Variants in FBN3 observed in about 807,000 individuals in gnomAD.
FBN3 encodes fibrillin-3.
FBN3 carries 234 observed loss-of-function variants against 330.1 expected under a neutral mutation model. The observed-to-expected ratio is 0.71, with a 90% CI of 0.64 to 0.79. The LOEUF is 0.79. Among genes scored for constraint, FBN3 ranks in the 30% least tolerant of loss-of-function variants. FBN3 has a pLI of 0.00. For synonymous variants in FBN3, 1,458 were observed against 1,517.3 expected, an observed-to-expected ratio of 0.96 and a Z score of 0.91; for missense variants, 3,606 against 3,886.9, an observed-to-expected ratio of 0.93 and a Z score of 1.92.
At position 8,083,300 on chromosome 19, in the gene FBN3, C is replaced by T. The variant is rs777095907; in HGVS notation, c.7160G>A (p.Arg2387His). ...GECINSLGSF[R>H]CHCQAGYTPD... ...TGTGTACCCGGCCTGACAGTGGCAG[C>T]GGAAGGAGCCAAGGCTGTTGATGCA... The change falls in exon 57 of 64, where the codon CGC becomes CAC. Residue 2387 changes from arginine (R) to histidine (H), a missense_variant. Coordinates refer to ENST00000600128, the MANE Select transcript of FBN3 (RefSeq NM_032447.5). 18 of 1,613,938 alleles carry T rather than the reference C, an allele frequency of 1.1e-5. No homozygotes were observed. The South Asian group carries it at 1.5e-4, about 14-fold the overall frequency.
At position 8,136,000 on chromosome 19, in the gene FBN3, C is replaced by T; in HGVS notation, c.1552G>A (p.Ala518Thr). ...CCGTCAGGGCTGAGCTCGAAGCCTG[C>T]ATTGCAGACACACTGGAAGCTGCCC... ...TEGSFQCVCN[A>T]GFELSPDGKN... The change falls in exon 13 of 64, where the codon GCA becomes ACA. Residue 518 changes from alanine to threonine, a missense_variant. Physicochemically the swap from Ala to Thr is moderately conservative, Grantham distance 58. Coordinates refer to ENST00000600128, the MANE Select transcript of FBN3 (RefSeq NM_032447.5). 3 of 1,561,134 alleles carry T rather than the reference C, an allele frequency of 1.9e-6. No homozygotes were observed. The highest frequency in any genetic ancestry group is 2.6e-6 in the Non-Finnish European group (3 of 1,149,888).
rs762120529 is a variant in FBN3, at chr19:8,091,618, G to T, written c.5906-28C>A. 9.9e-6 allele frequency: 16 copies of T among 1,611,508 alleles called. No homozygotes were observed. The East Asian group carries it at 1.6e-4, about 16-fold the overall frequency. ...GGAAGGGCAGGGACATGAGCTGGGTGGGGGGCAAGTAGGACCTCCATCAGT... is the reference window on the plus strand; with the variant it reads ...GGAAGGGCAGGGACATGAGCTGGGTTGGGGGCAAGTAGGACCTCCATCAGT... On this transcript the variant is annotated intron_variant, in intron 47 of 63. Coordinates refer to ENST00000600128, the MANE Select transcript of FBN3 (RefSeq NM_032447.5).
Position 8,136,258 on chromosome 19 carries a change from A to G in FBN3, c.1397T>C (p.Ile466Thr), listed in dbSNP as rs775303474. The G allele has an allele frequency of 1.8e-5, 29 of 1,607,356 alleles. No individual in the cohort carries two copies. The South Asian group carries it at 3.2e-4, about 18-fold the overall frequency. Residue 466 changes from isoleucine to threonine, a missense_variant, in exon 12 of 64, where the codon ATC (isoleucine) becomes ACC (threonine). Ile to Thr is a moderately conservative substitution (Grantham distance 89). Transcript: ENST00000600128. ...SPCHHGDCVN[I>T]PGTYHCRCYP... ...GCACCGGCAGTGGTAGGTGCCGGGGATGTTGACGCAGTCACCGTGGTGGCA... is the reference window on the plus strand; with the variant it reads ...GCACCGGCAGTGGTAGGTGCCGGGGGTGTTGACGCAGTCACCGTGGTGGCA...
Position 8,123,332 on chromosome 19 carries a change from T to A in FBN3, c.3082+132A>T, listed in dbSNP as rs1269908837. ...TCGTGCCATTGCACTCCAGCCTGGA[T>A]AACAAGAGTAAAACTCCGTCTCGAA... On this transcript the variant is annotated intron_variant, in intron 24 of 63. Coordinates refer to ENST00000600128, the MANE Select transcript of FBN3 (RefSeq NM_032447.5). 6 of 1,010,054 alleles carry A rather than the reference T, an allele frequency of 5.9e-6. 1 individual carries two copies. In the South Asian group the frequency reaches 6.7e-5, roughly 11 times the overall value. 62.6% of individuals were successfully genotyped at this position (1,010,054 alleles called of 1,614,324 possible).
At chr19:8,074,201 G>T (rs543565586) in intron 61 of FBN3, among the ~76,000 whole-genome samples, 71 of 152,232 alleles carry the variant, frequency 4.7e-4, no homozygotes, top group Middle Eastern at 6.8e-3. Context: ...GTCAGTACGG[G>T]GGGAGGAAAC....
In FBN3 at chr19:8,106,192, C is replaced by T. The variant is rs1249761807; in HGVS notation, c.4729G>A (p.Gly1577Ser). The T allele has an allele frequency of 3.7e-6, 6 of 1,614,122 alleles. No homozygotes were observed. The highest frequency in any genetic ancestry group is 3.3e-5 in the Admixed American group (2 of 59,998). The change falls in exon 38 of 64, where the codon GGT becomes AGT. Residue 1577 changes from glycine (G) to serine (S), a missense_variant. Coordinates refer to ENST00000600128, the MANE Select transcript of FBN3 (RefSeq NM_032447.5). Reference sequence around the variant, plus strand: ...CTGCCAAACGTGTTGACGCAGTCACCCCCCTGACACAGCCCTGGCAGCTCT... The same window carrying T: ...CTGCCAAACGTGTTGACGCAGTCACTCCCCTGACACAGCCCTGGCAGCTCT... ...CQELPGLCQG[G>S]DCVNTFGSFQ... is the part of the protein sequence containing the mutation.
chr19:8,137,007 C>A (rs1356549359), intron 10 of FBN3, among the ~76,000 whole-genome samples: 2 of 149,492 alleles, frequency 1.3e-5, no homozygotes, highest in Non-Finnish European at 3.0e-5. Flanking sequence ...ATCCCTCCAA[C>A]CTGAAGCCTA....
At chr19:8,119,741 T>G (rs538672074) in intron 25 of FBN3, among the ~76,000 whole-genome samples, 2 of 151,218 alleles carry the variant, frequency 1.3e-5, no homozygotes, top group Admixed American at 1.3e-4. Flanking sequence ...CTCAAAATCC[T>G]GACCTCAAGT....
Position 8,121,023 on chromosome 19 carries a change from T to C in FBN3, c.3211+235A>G, listed in dbSNP as rs575582149. Reference sequence around the variant, plus strand: ...CTCTACCCAAGCTACACACCCTCCCTGGGAGACCACACCCCAGTGTGCCGG... The same window carrying C: ...CTCTACCCAAGCTACACACCCTCCCCGGGAGACCACACCCCAGTGTGCCGG... On this transcript the variant is annotated intron_variant, in intron 25 of 63. Coordinates refer to ENST00000600128, the MANE Select transcript of FBN3 (RefSeq NM_032447.5). The surrounding 1 kb of genome is among the most constrained non-coding windows in gnomAD (Gnocchi z 4.5). 1.3e-5 allele frequency among the ~76,000 whole-genome samples: 2 copies of C among 152,158 alleles called. No individual in the cohort carries two copies. The highest frequency in any genetic ancestry group is 3.9e-4 in the East Asian group (2 of 5,150).
rs2083272161 is a variant in FBN3, at chr19:8,136,058, G to A, written c.1494C>T (p.Gly498=). The A allele has an allele frequency of 6.2e-6, 10 of 1,613,660 alleles. No individual in the cohort carries two copies. The highest frequency in any genetic ancestry group is 8.5e-6 in the Non-Finnish European group (10 of 1,179,908). ...VDVDECIVSG[G]LCHLGRCVNT... is the part of the protein sequence containing the mutation. ...TGACACAGCGGCCCAGGTGACAAAG[G>A]CCACCACTGACAATGCACTCGTCCA... The change falls in exon 13 of 64, where the codon GGC becomes GGT. Residue 498 remains glycine (G), a synonymous_variant. Transcript: ENST00000600128.
intron 59 of FBN3, among the ~76,000 whole-genome samples, chr19:8,080,068 T>A (rs142237108): frequency 6.6e-6 from 1 of 152,384 alleles, no homozygotes; most frequent in East Asian, 1.9e-4. Context: ...GACTCTTCTC[T>A]GCCAATATAG....
intron 18 of FBN3, among the ~76,000 whole-genome samples, chr19:8,127,647 G>A (rs2083025033): frequency 6.6e-6 from 1 of 152,196 alleles, no homozygotes; most frequent in Non-Finnish European, 1.5e-5. Context: ...GGGGCTCACA[G>A]GACTCAGGGA....
At chr19:8,092,155 G>A (rs2082110761) in intron 47 of FBN3, among the ~76,000 whole-genome samples, 1 of 150,674 alleles carries the variant, frequency 6.6e-6, no homozygotes, top group Non-Finnish European at 1.5e-5. Flanking sequence ...TTGAGCCTGG[G>A]TGACAGAGCG....
chr19:8,122,212 C>T (rs2082868748), intron 24 of FBN3, among the ~76,000 whole-genome samples: 1 of 152,102 alleles, frequency 6.6e-6, no homozygotes, highest in African/African-American at 2.4e-5. Context: ...ATGGAGGTCT[C>T]GCTGTGTTAC....
chr19:8,072,423 C>T (rs1035681925), intron 62 of FBN3, among the ~76,000 whole-genome samples: 4 of 152,100 alleles, frequency 2.6e-5, no homozygotes, highest in Non-Finnish European at 4.4e-5. Flanking sequence ...GGTGTGAACA[C>T]AGGAGTGAGA....
intron 36 of FBN3, 31 bp from the exon 37 acceptor site, chr19:8,108,269 G>A: frequency 6.3e-7 from 1 of 1,577,660 alleles, no homozygotes; most frequent in South Asian, 1.1e-5. Context: ...CTGTGAGGTG[G>A]GGTATTGGGG....
In FBN3 at chr19:8,080,969, G is replaced by C. The variant is rs114018302; in HGVS notation, c.7453+34C>G. 4.1e-4 allele frequency: 598 copies of C among 1,445,898 alleles called. 1 individual carries two copies. The African/African-American group carries it at 7.7e-3, about 19-fold the overall frequency. 89.6% of individuals were successfully genotyped at this position (1,445,898 alleles called of 1,614,324 possible). On this transcript the variant is annotated intron_variant, in intron 59 of 63. Transcript: ENST00000600128. ...CAAAATAACTAATGCTGGGGTCATGGGTCACCTCCCGGTGAGGGGCAAGGG... is the reference window on the plus strand; with the variant it reads ...CAAAATAACTAATGCTGGGGTCATGCGTCACCTCCCGGTGAGGGGCAAGGG...
At chr19:8,113,213 G>T (rs1279305624) in intron 30 of FBN3, among the ~76,000 whole-genome samples, 1 of 152,116 alleles carries the variant, frequency 6.6e-6, no homozygotes, top group Non-Finnish European at 1.5e-5. Flanking sequence ...ATCGCTTGAG[G>T]CAAGGAGTTT....
At position 8,126,588 on chromosome 19, in the gene FBN3, AG is replaced by A. The variant is rs758005551; in HGVS notation, c.2433del (p.Cys812AlafsTer3). On this transcript the variant is annotated frameshift_variant, in exon 20 of 64. Transcript: ENST00000600128. LOFTEE classifies it high-confidence loss of function. The stretch of plus-strand genomic sequence containing the variant: ...CGGCTCTCCTGGATCTTCAGCCAGC[AG>A]GTGCCCTTGGTGCTGTCTGGGGAGA... ...GTFCLDSTKGTCWLKIQESRC... is the reference protein window; with the variant it reads ...GTFCLDSTKGXCWLKIQESRC... The A allele has an allele frequency of 2.5e-6, 4 of 1,610,314 alleles. No homozygotes were observed. Among genetic ancestry groups the A allele is most frequent in the Admixed American group, 1.7e-5 (1 of 60,010 alleles).
Sources: allele counts gnomAD v4.1 joint callset (sites outside exome capture counted in the v4.1 genomes callset), GRCh38; gene constraint gnomAD v4.1.1; non-coding constraint Gnocchi (gnomAD v3.1); transcripts MANE v1.5; gene names NCBI Gene and HGNC (gene_info 2026-07-23, HGNC 2026-07-21).